The following UBR2 variants were observed in gnomAD, a reference collection of about 807,000 sequenced individuals.
UBR2 encodes the protein ubiquitin protein ligase E3 component n-recognin 2, also known as E3 ubiquitin-protein ligase UBR2.
A neutral mutation model predicts 247.9 loss-of-function variants in UBR2; 92 were observed. The ratio of observed to expected loss-of-function variants is 0.37; its 90% confidence interval spans 0.31 to 0.44. UBR2 has a LOEUF of 0.44. UBR2 is among the 20% of genes least tolerant of loss of function. UBR2 has a pLI of 1.00. For missense variants in UBR2, 1,613 were observed against 2,112.6 expected (o/e 0.76, Z 4.64); for synonymous variants, 672 against 693.5 (o/e 0.97, Z 0.49).
intron 25 of UBR2, among the ~76,000 whole-genome samples, chr6:42,653,606 C>CTTTTTTTTTTTTTT (rs72460060): frequency 9.9e-5 from 5 of 50,618 alleles, no homozygotes; most frequent in African/African-American, 4.5e-4. Context: ...ATGCTAAGCC[C>CTTTTTTTTTTTTTT]TTTTTTTTTT....
intron 2 of UBR2, among the ~76,000 whole-genome samples, chr6:42,588,901 G>GTAGT (rs1325302362): frequency 6.6e-6 from 1 of 152,100 alleles, no homozygotes; most frequent in African/African-American, 2.4e-5. Flanking sequence ...AGGTTTTTTT[G>GTAGT]TAGTTATTCC....
chr6:42,674,952 G>A (rs559059590), intron 38 of UBR2, among the ~76,000 whole-genome samples: 3 of 152,234 alleles, frequency 2.0e-5, no homozygotes, highest in Non-Finnish European at 4.4e-5. Flanking sequence ...CAAATAGTGG[G>A]TAGCCAAATT....
intron 11 of UBR2, among the ~76,000 whole-genome samples, chr6:42,620,942 C>T (rs545461226): frequency 6.6e-5 from 10 of 151,962 alleles, no homozygotes; most frequent in Non-Finnish European, 1.0e-4. Context: ...GTAGCTGGGG[C>T]TACAGGCGTG....
At chr6:42,614,428 A>ATACGTATATATG (rs1237369949) in intron 8 of UBR2, among the ~76,000 whole-genome samples, 2 of 143,768 alleles carry the variant, frequency 1.4e-5, no homozygotes, top group African/African-American at 5.2e-5. Flanking sequence ...ACGTACATAT[A>ATACGTATATATG]TATGTATGTA....
intron 39 of UBR2, 69 bp from the exon 40 acceptor site, chr6:42,676,714 A>T: frequency 8.4e-7 from 1 of 1,194,336 alleles, no homozygotes; most frequent in Non-Finnish European, 1.2e-6. Context: ...TTGCATGCTT[A>T]ATGTCTTCAG....
chr6:42,670,653 T>C lies in UBR2; in HGVS notation c.4031-7T>C. 1 of 1,592,228 alleles carries C rather than the reference T, an allele frequency of 6.3e-7. No individual in the cohort carries two copies. Among genetic ancestry groups the C allele is most frequent in the Non-Finnish European group, 8.6e-7 (1 of 1,165,760 alleles). ...CATTTACCATTTTAACCATCTTTAA[T>C]CTGTAGAAAGAATTTTGAGTGATGA... On this transcript the variant is annotated splice_region_variant and splice_polypyrimidine_tract_variant and intron_variant, in intron 35 of 46. Coordinates refer to ENST00000372901, the MANE Select transcript of UBR2 (RefSeq NM_001363705.2).
Position 42,605,854 on chromosome 6 carries a change from C to A in UBR2, c.796C>A (p.Arg266=). The A allele has an allele frequency of 6.2e-7, 1 of 1,601,846 alleles. No homozygotes were observed. The highest frequency in any genetic ancestry group is 8.5e-7 in the Non-Finnish European group (1 of 1,176,488). Residue 266 remains arginine, a synonymous_variant, in exon 6 of 47, where the codon CGA becomes AGA. Coordinates refer to ENST00000372901, the MANE Select transcript of UBR2 (RefSeq NM_001363705.2). The stretch of plus-strand genomic sequence containing the variant: ...TATTGGTTTTGCAACTACAGTAGAT[C>A]GAGATGTAAGTAATTTTACCATGTT... ...EAIGFATTVD[R]DGRRSVRYGD...
intron 18 of UBR2, among the ~76,000 whole-genome samples, chr6:42,642,882 C>T (rs1391294773): frequency 2.6e-5 from 4 of 152,110 alleles, no homozygotes; most frequent in Non-Finnish European, 5.9e-5. Context: ...TTCAGGACTG[C>T]GATACTTAAC....
chr6:42,649,536 C>G (rs781506355), intron 22 of UBR2, among the ~76,000 whole-genome samples: 1 of 152,114 alleles, frequency 6.6e-6, no homozygotes, highest in Non-Finnish European at 1.5e-5. Context: ...CAAAAAAGTC[C>G]TCGATTTACA....
chr6:42,582,298 A>AAAAAAC (rs1582448275), intron 2 of UBR2, among the ~76,000 whole-genome samples: 3 of 151,522 alleles, frequency 2.0e-5, no homozygotes, highest in African/African-American at 7.3e-5. Context: ...AAAAAAAAAA[A>AAAAAAC]AAAAACATTT....
In UBR2 at chr6:42,615,913, CA is replaced by C. The variant is rs201081142; in HGVS notation, c.1094-81del. 5.1e-5 allele frequency: 52 copies of C among 1,024,198 alleles called. 1 individual carries two copies. Among genetic ancestry groups the C allele is most frequent in the Non-Finnish European group, 4.9e-5 (35 of 719,302 alleles). 63.4% of individuals were successfully genotyped at this position (1,024,198 alleles called of 1,614,324 possible). On this transcript the variant is annotated intron_variant, in intron 9 of 46. Transcript: ENST00000372901. ...TCTCAAAAGTAAAAACAAAACAAAACAAAAAAAACCCACTGTGGATCACATA... is the reference window on the plus strand; with the variant it reads ...TCTCAAAAGTAAAAACAAAACAAAACAAAAAAACCCACTGTGGATCACATA...
rs774506572 is a variant in UBR2, at chr6:42,678,560, C to T, written c.4500C>T (p.Ser1500=). 40 of 1,610,054 alleles carry T rather than the reference C, an allele frequency of 2.5e-5. No individual in the cohort carries two copies. The Admixed American group carries it at 3.4e-4, about 14-fold the overall frequency. ...TTAGTGCCTTGAAAGAAATACCATCCGGCTGGCATCTGTGGAGGAGTGTCA... is the reference window on the plus strand; with the variant it reads ...TTAGTGCCTTGAAAGAAATACCATCTGGCTGGCATCTGTGGAGGAGTGTCA... ...YTGSALKEIP[S]GWHLWRSVRA... The change falls in exon 41 of 47, where the codon TCC becomes TCT. Residue 1500 remains serine (S), a synonymous_variant. Coordinates refer to ENST00000372901, the MANE Select transcript of UBR2 (RefSeq NM_001363705.2).
chr6:42,596,173 C>G (rs894773752), intron 4 of UBR2, among the ~76,000 whole-genome samples: 1 of 147,946 alleles, frequency 6.8e-6, no homozygotes, highest in African/African-American at 2.5e-5. Flanking sequence ...AAAAAGATAA[C>G]CCAATTTAAA....
chr6:42,607,716 T>TG (rs1562304041), intron 7 of UBR2, among the ~76,000 whole-genome samples: 1 of 139,148 alleles, frequency 7.2e-6, no homozygotes, highest in Non-Finnish European at 1.5e-5. Flanking sequence ...CCAGCTGTTT[T>TG]TTTTTTTTTT....
chr6:42,639,878 A>T (rs1431846443), intron 15 of UBR2, among the ~76,000 whole-genome samples: 6 of 151,996 alleles, frequency 3.9e-5, no homozygotes, highest in African/African-American at 1.4e-4. Context: ...AGCCTCTTTT[A>T]TTAGCCGGGT....
rs553105705 is a variant in UBR2, at chr6:42,652,002, A to G, written c.2566-21A>G. 7 of 1,579,942 alleles carry G rather than the reference A, an allele frequency of 4.4e-6. No homozygotes were observed. In the Admixed American group the frequency reaches 1.2e-4, roughly 26 times the overall value. On this transcript the variant is annotated intron_variant, in intron 23 of 46. Coordinates refer to ENST00000372901, the MANE Select transcript of UBR2 (RefSeq NM_001363705.2). Reference sequence around the variant, plus strand: ...GTGGGCATTACTAATTCCCGGTCCAAATAACTTTATTTTTTATTAGGCAGA... The same window carrying G: ...GTGGGCATTACTAATTCCCGGTCCAGATAACTTTATTTTTTATTAGGCAGA...
At chr6:42,652,332 G>A (rs568493689) in intron 24 of UBR2, among the ~76,000 whole-genome samples, 159 bp from the exon 25 acceptor site, 67 of 152,210 alleles carry the variant, frequency 4.4e-4, no homozygotes, top group Non-Finnish European at 1.6e-4. Flanking sequence ...TGCTACTTTC[G>A]TGGCTCTTTT....
At chr6:42,643,500 A>G (rs1211621601) in intron 18 of UBR2, among the ~76,000 whole-genome samples, 1 of 152,122 alleles carries the variant, frequency 6.6e-6, no homozygotes, top group Non-Finnish European at 1.5e-5. Flanking sequence ...GGAGGCCAAG[A>G]CAGGAGAATC....
At chr6:42,599,970 TA>T (rs536383815) in intron 4 of UBR2, among the ~76,000 whole-genome samples, 1 of 152,316 alleles carries the variant, frequency 6.6e-6, no homozygotes, top group African/African-American at 2.4e-5. Flanking sequence ...ATAATAGATT[TA>T]TTTTTTGTAA....
Sources: allele counts gnomAD v4.1 joint callset (sites outside exome capture counted in the v4.1 genomes callset), GRCh38; gene constraint gnomAD v4.1.1; transcripts MANE v1.5; gene names NCBI Gene and HGNC (gene_info 2026-07-23, HGNC 2026-07-21).